NPSR1: variants seen among roughly 807,000 people sequenced by gnomAD.
The protein encoded by NPSR1 is neuropeptide S receptor 1.
In NPSR1, 48 loss-of-function variants were observed where a neutral mutation model predicts 46.9. The observed-to-expected ratio is 1.02, with a 90% CI of 0.81 to 1.30. NPSR1 has a LOEUF of 1.30. NPSR1 is among the 50% of genes most tolerant of loss of function. The probability of loss-of-function intolerance (pLI) is 0.00; values close to 1 mark genes in which losing one functional copy is unlikely to be tolerated. For missense variants in NPSR1, 450 were observed against 449.5 expected (o/e 1.00, Z -0.01); for synonymous variants, 176 against 168.1 (o/e 1.05, Z -0.36).
At chr7:34,704,992 T>C (rs1794028103) in intron 2 of NPSR1, among the ~76,000 whole-genome samples, 1 of 152,236 alleles carries the variant, frequency 6.6e-6, no homozygotes, top group Non-Finnish European at 1.5e-5. Flanking sequence ...ATTGTCTATA[T>C]GTTCAGTCTC....
intron 2 of NPSR1, among the ~76,000 whole-genome samples, chr7:34,775,164 T>G (rs1242747816): frequency 6.6e-6 from 1 of 152,216 alleles, no homozygotes; most frequent in Non-Finnish European, 1.5e-5. Flanking sequence ...AATGGATCAA[T>G]GTGATATTCT....
At chr7:34,754,468 C>G (rs890338286) in intron 2 of NPSR1, among the ~76,000 whole-genome samples, 1 of 152,016 alleles carries the variant, frequency 6.6e-6, no homozygotes, top group Non-Finnish European at 1.5e-5. Flanking sequence ...ACAGAAGATA[C>G]CAGTGTAACT....
intron 2 of NPSR1, among the ~76,000 whole-genome samples, chr7:34,748,347 C>T (rs1341986470): frequency 6.6e-6 from 1 of 152,210 alleles, no homozygotes; most frequent in African/African-American, 2.4e-5. Flanking sequence ...TCAGGTCTCA[C>T]CATCACAGCC....
At chr7:34,814,748 C>A (rs1351647748) in intron 4 of NPSR1, among the ~76,000 whole-genome samples, 4 of 152,210 alleles carry the variant, frequency 2.6e-5, no homozygotes, top group African/African-American at 4.8e-5. Context: ...TGTTCACAGC[C>A]TCTGCTAGTG....
At chr7:34,730,237 AT>A (rs1262120568) in intron 2 of NPSR1, among the ~76,000 whole-genome samples, 2 of 152,156 alleles carry the variant, frequency 1.3e-5, no homozygotes, top group African/African-American at 2.4e-5. Flanking sequence ...AGAACCTAGG[AT>A]TTTTTTAAGT....
At chr7:34,842,583 T>C (rs1790608087) in intron 6 of NPSR1, among the ~76,000 whole-genome samples, 1 of 152,230 alleles carries the variant, frequency 6.6e-6, no homozygotes, top group African/African-American at 2.4e-5. Context: ...ATTTGCTTTC[T>C]TACAAGGCGG....
intron 8 of NPSR1, among the ~76,000 whole-genome samples, chr7:34,860,130 A>G (rs1207577860): frequency 6.6e-6 from 1 of 151,806 alleles, no homozygotes; most frequent in African/African-American, 2.4e-5. Context: ...ATGCATGCAT[A>G]TAAATGCCCA....
intron 3 of NPSR1, among the ~76,000 whole-genome samples, chr7:34,799,332 G>C (rs1022286747): frequency 6.6e-6 from 1 of 151,662 alleles, no homozygotes; most frequent in Non-Finnish European, 1.5e-5. Flanking sequence ...AAAAATCAAT[G>C]AAACCAAAAG....
rs568443242 is a variant in NPSR1, at chr7:34,848,629, T to A, written c.991T>A (p.Cys331Ser). Residue 331 changes from cysteine to serine, a missense_variant, in exon 8 of 9, where the codon TGT becomes AGT. By Grantham distance (112) the Cys-to-Ser change is moderately radical. Coordinates refer to ENST00000360581, the MANE Select transcript of NPSR1 (RefSeq NM_207172.2). ...TAGTGCCATCAACCCCCTCATCTAC[T>A]GTGTCTTCAGCAGCTCCATCTCTTT... ...LNSAINPLIY[C>S]VFSSSISFPC... 2 of 1,614,182 alleles carry A rather than the reference T, an allele frequency of 1.2e-6. No individual in the cohort carries two copies. Among genetic ancestry groups the A allele is most frequent in the Admixed American group, 1.7e-5 (1 of 60,024 alleles).
rs1401662132 is a variant in NPSR1 at position 34,658,243 on chromosome 7, C to T, written c.-170C>T. The T allele has an allele frequency of 4.5e-6, 3 of 660,738 alleles. No individual in the cohort carries two copies. Among genetic ancestry groups the T allele is most frequent in the East Asian group, 2.8e-5 (1 of 36,108 alleles). 40.9% of individuals were successfully genotyped at this position (660,738 alleles called of 1,614,324 possible). The stretch of plus-strand genomic sequence containing the variant: ...GGTAATTGCCAAGGAGAGAGCAGCA[C>T]GTAGATCCTCCCTGTCATCAGGCAG... On this transcript the variant is annotated 5_prime_UTR_variant, in exon 1 of 9. It adds an upstream start codon to the 5' untranslated region. Coordinates refer to ENST00000360581, the MANE Select transcript of NPSR1 (RefSeq NM_207172.2).
At chr7:34,705,351 C>G (rs1794048545) in intron 2 of NPSR1, among the ~76,000 whole-genome samples, 2 of 150,622 alleles carry the variant, frequency 1.3e-5, no homozygotes, top group Non-Finnish European at 2.9e-5. Context: ...CGCTTGAATC[C>G]AGGAGGTGGA....
rs1466853740 is a variant in NPSR1 at position 34,790,716 on chromosome 7, A to T, written c.384+12151A>T. On this transcript the variant is annotated intron_variant, in intron 3 of 8. Transcript: ENST00000360581. ...ATAATATATGTTCTATGTTATATAT[A>T]ATATATGTTATATGTTATATGTTAT... Among the ~76,000 whole-genome samples the T allele has an allele frequency of 3.1e-5, 4 of 128,370 alleles. 1 individual carries two copies. The highest frequency in any genetic ancestry group is 1.2e-4 in the African/African-American group (4 of 32,152). The allele number at this position is 128,370 out of a possible 152,430, so 84.2% of individuals were successfully genotyped here.
chr7:34,780,341 T>C (rs2128737723), intron 3 of NPSR1, among the ~76,000 whole-genome samples: 1 of 152,306 alleles, frequency 6.6e-6, no homozygotes, highest in African/African-American at 2.4e-5. Context: ...AACTTTAAAA[T>C]GTCTTCTTGA....
chr7:34,814,135 G>C (rs1455131910), intron 4 of NPSR1, among the ~76,000 whole-genome samples: 1 of 152,218 alleles, frequency 6.6e-6, no homozygotes, highest in Non-Finnish European at 1.5e-5. Flanking sequence ...ACAAAGGGTT[G>C]GGGGATGTCC....
chr7:34,837,165 T>C (rs1335165474), intron 6 of NPSR1, among the ~76,000 whole-genome samples: 6 of 152,216 alleles, frequency 3.9e-5, no homozygotes, highest in African/African-American at 1.4e-4. Context: ...CACTTAGCCA[T>C]GTGTTAAAAT....
At chr7:34,775,680 C>A (rs1008120207) in intron 2 of NPSR1, among the ~76,000 whole-genome samples, 27 of 152,142 alleles carry the variant, frequency 1.8e-4, no homozygotes, top group African/African-American at 5.8e-4. Flanking sequence ...AAAAATCCAA[C>A]TTTTTGTTTC....
At chr7:34,870,162 CT>C (rs1260368061) in intron 8 of NPSR1, among the ~76,000 whole-genome samples, 3 of 151,906 alleles carry the variant, frequency 2.0e-5, no homozygotes, top group African/African-American at 7.3e-5. Flanking sequence ...CTCCTCCTCC[CT>C]CTGAGCTGCC....
chr7:34,780,580 A>G (rs35006847), intron 3 of NPSR1, among the ~76,000 whole-genome samples: 3,543 of 152,294 alleles, frequency 0.023, 57 homozygotes, highest in Non-Finnish European at 0.036. Flanking sequence ...GCATTTATTC[A>G]GGAAAATGGC....
chr7:34,815,294 A>T (rs1022094108), intron 4 of NPSR1, among the ~76,000 whole-genome samples: 4 of 152,208 alleles, frequency 2.6e-5, no homozygotes, highest in Non-Finnish European at 4.4e-5. Context: ...TCAATAGCCA[A>T]TTCAATCAAG....
Sources: gnomAD v4.1 joint callset for allele counts (sites outside exome capture counted in the v4.1 genomes callset) on GRCh38, gnomAD v4.1.1 for gene constraint, MANE v1.5 for transcripts, NCBI Gene and HGNC (gene_info 2026-07-23, HGNC 2026-07-21) for gene names.